The following TMEM132B variants were observed in gnomAD, a reference collection of about 807,000 sequenced individuals.
TMEM132B encodes the protein transmembrane protein 132B.
TMEM132B carries 18 observed loss-of-function variants against 90.8 expected under a neutral mutation model. The observed-to-expected ratio is 0.20, with a 90% CI of 0.14 to 0.29. TMEM132B has a LOEUF of 0.29. Ranked by LOEUF, TMEM132B falls within the 10% of genes least tolerant of loss-of-function variation. TMEM132B has a pLI of 1.00. For missense variants in TMEM132B, 1,096 were observed against 1,326.8 expected (o/e 0.83, Z 2.70); for synonymous variants, 504 against 523.3 (o/e 0.96, Z 0.50).
At chr12:125,316,714 A>G (rs554823178) in intron 1 of TMEM132B, among the ~76,000 whole-genome samples, 4 of 152,298 alleles carry the variant, frequency 2.6e-5, no homozygotes, top group Admixed American at 2.0e-4. Context: ...GTCCTGTGGC[A>G]GAACGGTGCC....
intron 2 of TMEM132B, among the ~76,000 whole-genome samples, chr12:125,358,277 T>C (rs1021943287): frequency 6.6e-6 from 1 of 151,598 alleles, no homozygotes; most frequent in Admixed American, 6.6e-5. Context: ...TTTTTTAGCT[T>C]TTTATTTTGG....
At chr12:125,630,871 A>G (rs1473553688) in intron 5 of TMEM132B, among the ~76,000 whole-genome samples, 1 of 152,116 alleles carries the variant, frequency 6.6e-6, no homozygotes, top group Non-Finnish European at 1.5e-5. Flanking sequence ...TTAGTTTGGT[A>G]AGGATAATGG....
Position 125,498,057 on chromosome 12 carries a change from C to T in TMEM132B, c.1107-21382C>T, listed in dbSNP as rs999547120. ...GGGGAAGAGAGCCCTGAAATTCTCCCACTAGCAATTAAATGATCAGTCCAG... is the reference window on the plus strand; with the variant it reads ...GGGGAAGAGAGCCCTGAAATTCTCCTACTAGCAATTAAATGATCAGTCCAG... On this transcript the variant is annotated intron_variant, in intron 3 of 8. Coordinates refer to ENST00000682704, the MANE Select transcript of TMEM132B (RefSeq NM_001366854.1). The surrounding 1 kb of genome is among the most constrained non-coding windows in gnomAD (Gnocchi z 4.5). 1.3e-5 allele frequency among the ~76,000 whole-genome samples: 2 copies of T among 152,194 alleles called. No homozygotes were observed. Among genetic ancestry groups the T allele is most frequent in the African/African-American group, 4.8e-5 (2 of 41,438 alleles).
At chr12:125,465,032 A>G (rs1881528302) in intron 3 of TMEM132B, among the ~76,000 whole-genome samples, 1 of 152,220 alleles carries the variant, frequency 6.6e-6, no homozygotes, top group Non-Finnish European at 1.5e-5. Flanking sequence ...GTGAAAGAGG[A>G]ACATTTCCAA....
intron 4 of TMEM132B, among the ~76,000 whole-genome samples, chr12:125,547,390 G>T (rs1207768341): frequency 6.6e-6 from 1 of 152,136 alleles, no homozygotes. Context: ...TCTGATGACT[G>T]AGTATGTTAA....
At chr12:125,295,045 C>T (rs902017254) in intron 1 of TMEM132B, among the ~76,000 whole-genome samples, 1 of 151,984 alleles carries the variant, frequency 6.6e-6, no homozygotes, top group Admixed American at 6.6e-5. Flanking sequence ...TTCAGTTTTT[C>T]TACTAGAGGC....
intron 1 of TMEM132B, among the ~76,000 whole-genome samples, chr12:125,302,357 C>T (rs1204591481): frequency 6.6e-6 from 1 of 151,026 alleles, no homozygotes; most frequent in East Asian, 1.9e-4. Flanking sequence ...AGAATCAGAT[C>T]CTGTCTAAAA....
At chr12:125,494,243 T>C (rs1435804723) in intron 3 of TMEM132B, among the ~76,000 whole-genome samples, 14 of 68,970 alleles carry the variant, frequency 2.0e-4, no homozygotes, top group East Asian at 4.7e-4. Context: ...GAAATGGCCG[T>C]GTCCCTCTTC....
intron 5 of TMEM132B, among the ~76,000 whole-genome samples, chr12:125,608,914 T>C (rs1002592069): frequency 3.2e-4 from 48 of 152,122 alleles, no homozygotes; most frequent in Non-Finnish European, 1.0e-4. Flanking sequence ...GAAGAAATAC[T>C]AGAGACTGGG....
rs1212466153 is a variant in TMEM132B at position 125,655,388 on chromosome 12, G to A, written c.*678G>A. 1 of 152,092 alleles carries A rather than the reference G, an allele frequency of 6.6e-6. No homozygotes were observed. The highest frequency in any genetic ancestry group is 1.5e-5 in the Non-Finnish European group (1 of 68,036). 9.4% of individuals were successfully genotyped at this position (152,092 alleles called of 1,614,324 possible). A position where few individuals can be genotyped will look rare whatever the true frequency, so the allele number is the denominator to read the frequency against. Reference sequence around the variant, plus strand: ...CAGTTTTCTGCACTTCATCATCTAGGGATGGTATCCAAGAAGCTTATTCTC... The same window carrying A: ...CAGTTTTCTGCACTTCATCATCTAGAGATGGTATCCAAGAAGCTTATTCTC... On this transcript the variant is annotated 3_prime_UTR_variant, in exon 9 of 9. Transcript: ENST00000682704.
At chr12:125,331,084 C>T (rs1478069113) in intron 1 of TMEM132B, among the ~76,000 whole-genome samples, 1 of 152,182 alleles carries the variant, frequency 6.6e-6, no homozygotes, top group African/African-American at 2.4e-5. Flanking sequence ...CTGGCGGCGG[C>T]GGCCACTGGG....
At chr12:125,355,819 A>C (rs780635579) in intron 2 of TMEM132B, among the ~76,000 whole-genome samples, 1 of 152,172 alleles carries the variant, frequency 6.6e-6, no homozygotes, top group Non-Finnish European at 1.5e-5. Context: ...ACAGATGTGT[A>C]CCATTCCACG....
At chr12:125,480,334 A>G (rs1487140911) in intron 3 of TMEM132B, among the ~76,000 whole-genome samples, 1 of 152,214 alleles carries the variant, frequency 6.6e-6, no homozygotes, top group Middle Eastern at 3.2e-3. Flanking sequence ...GTTTTTTGAA[A>G]AGATCAACAA....
chr12:125,391,047 G>C (rs976676071), intron 2 of TMEM132B, among the ~76,000 whole-genome samples: 11 of 97,610 alleles, frequency 1.1e-4, no homozygotes, highest in Non-Finnish European at 2.0e-4. Flanking sequence ...AATAGTGTGT[G>C]TGTGTGTGTG....
chr12:125,392,978 C>G (rs1186477102), intron 2 of TMEM132B, among the ~76,000 whole-genome samples: 1 of 152,168 alleles, frequency 6.6e-6, no homozygotes, highest in Non-Finnish European at 1.5e-5. Flanking sequence ...TCCTGCGTAG[C>G]CTGCCTCTGT....
At chr12:125,539,879 T>C (rs766074286) in intron 4 of TMEM132B, among the ~76,000 whole-genome samples, 1 of 152,212 alleles carries the variant, frequency 6.6e-6, no homozygotes, top group Non-Finnish European at 1.5e-5. Flanking sequence ...TTTCTTTTTG[T>C]CTGCTTACTT....
intron 2 of TMEM132B, among the ~76,000 whole-genome samples, chr12:125,381,562 T>G (rs1434690031): frequency 1.3e-5 from 2 of 152,224 alleles, no homozygotes; most frequent in Non-Finnish European, 2.9e-5. Context: ...AAGTCAAGAC[T>G]GCCTTGGTGA....
chr12:125,489,946 G>C (rs1882305786), intron 3 of TMEM132B, among the ~76,000 whole-genome samples: 1 of 152,054 alleles, frequency 6.6e-6, no homozygotes, highest in Admixed American at 6.6e-5. Flanking sequence ...GAATGTGTTG[G>C]GACTATCAAT....
intron 3 of TMEM132B, among the ~76,000 whole-genome samples, chr12:125,508,456 G>A (rs1271193092): frequency 6.6e-6 from 1 of 152,212 alleles, no homozygotes; most frequent in African/African-American, 2.4e-5. Flanking sequence ...GGCACTGATT[G>A]CAGTTGCAGC....
Sources: gnomAD v4.1 joint callset for allele counts (sites outside exome capture counted in the v4.1 genomes callset) on GRCh38, gnomAD v4.1.1 for gene constraint, Gnocchi (gnomAD v3.1) non-coding constraint, MANE v1.5 for transcripts, NCBI Gene and HGNC (gene_info 2026-07-23, HGNC 2026-07-21) for gene names.